Variants in TMEM108 observed in about 807,000 individuals in gnomAD.
TMEM108 encodes transmembrane protein 108.
In TMEM108, 12 loss-of-function variants were observed where a neutral mutation model predicts 35.1. That is an observed-to-expected ratio of 0.34 (90% confidence interval 0.22 to 0.55). TMEM108 has a LOEUF of 0.55. Among genes scored for constraint, TMEM108 ranks in the 20% least tolerant of loss-of-function variants. The pLI, the probability that TMEM108 is intolerant of heterozygous loss-of-function variation, is 0.89. For missense variants in TMEM108, 680 were observed against 753.3 expected (o/e 0.90, Z 1.14); for synonymous variants, 287 against 308.6 (o/e 0.93, Z 0.73).
chr3:133,219,465 A>G (rs978930835), intron 2 of TMEM108, among the ~76,000 whole-genome samples: 1 of 151,434 alleles, frequency 6.6e-6, no homozygotes, highest in African/African-American at 2.4e-5. Context: ...TTCTTTTTTG[A>G]TGTAGGCTTT....
At chr3:133,291,183 T>G (rs111288604) in intron 3 of TMEM108, among the ~76,000 whole-genome samples, 23 of 152,256 alleles carry the variant, frequency 1.5e-4, no homozygotes, top group African/African-American at 5.5e-4. Flanking sequence ...TGGGTTGTTT[T>G]CTTTCTGTCA....
At chr3:133,120,328 A>G (rs954307374) in intron 2 of TMEM108, among the ~76,000 whole-genome samples, 1 of 152,192 alleles carries the variant, frequency 6.6e-6, no homozygotes, top group African/African-American at 2.4e-5. Flanking sequence ...TTTTTCAAAT[A>G]TTTTGAGGGA....
intron 2 of TMEM108, among the ~76,000 whole-genome samples, chr3:133,193,724 G>A (rs1945534556): frequency 6.6e-6 from 1 of 152,020 alleles, no homozygotes; most frequent in African/African-American, 2.4e-5. Flanking sequence ...CAGGGCTTTA[G>A]GTATACTTTC....
chr3:133,377,449 T>C (rs1292972134), intron 3 of TMEM108, among the ~76,000 whole-genome samples: 1 of 152,214 alleles, frequency 6.6e-6, no homozygotes, highest in African/African-American at 2.4e-5. Context: ...TGTCCTCTTC[T>C]TCCTCCTTCT....
chr3:133,270,899 A>G (rs959763520), intron 3 of TMEM108, among the ~76,000 whole-genome samples: 7 of 152,132 alleles, frequency 4.6e-5, no homozygotes, highest in African/African-American at 1.7e-4. Context: ...GAAAAGGATC[A>G]TAATCTCAGC....
intron 2 of TMEM108, among the ~76,000 whole-genome samples, chr3:133,173,554 A>G (rs1301264275): frequency 1.3e-5 from 2 of 152,232 alleles, no homozygotes; most frequent in African/African-American, 4.8e-5. Flanking sequence ...GGTATATTAC[A>G]GGCAAGGTAT....
intron 2 of TMEM108, among the ~76,000 whole-genome samples, chr3:133,077,848 G>A (rs748356953): frequency 6.6e-6 from 1 of 152,112 alleles, no homozygotes; most frequent in Non-Finnish European, 1.5e-5. Flanking sequence ...TACTTGGCCA[G>A]GATTCCCTGA....
intron 2 of TMEM108, among the ~76,000 whole-genome samples, chr3:133,162,949 A>G (rs942070139): frequency 6.6e-6 from 1 of 152,212 alleles, no homozygotes; most frequent in Non-Finnish European, 1.5e-5. Flanking sequence ...GGTAACATGG[A>G]CATAATAGTA....
chr3:133,381,156 C>T lies in TMEM108; in HGVS notation c.1445C>T (p.Ser482Phe), dbSNP rs755973021. Residue 482 changes from serine (S) to phenylalanine (F), a missense_variant, in exon 4 of 6, where the codon TCC (serine) becomes TTC (phenylalanine). Ser to Phe is a radical substitution (Grantham distance 155). This residue lies in a region of TMEM108 where 105 missense variants were observed against 150.7 expected (regional missense o/e 0.70). Transcript: ENST00000321871. ...VILAISVPIS[S>F]CSVLLTVCCM... is the part of the protein sequence containing the mutation. ...CTGGCCATCAGCGTGCCCATCTCCT[C>T]CTGCTGTAAGTGCCGCCCTCTCCCA... 6.3e-7 allele frequency: 1 copy of T among 1,596,812 alleles called. No homozygotes were observed. Among genetic ancestry groups the T allele is most frequent in the Non-Finnish European group, 8.6e-7 (1 of 1,168,426 alleles).
chr3:133,094,167 C>T (rs1186271178), intron 2 of TMEM108, among the ~76,000 whole-genome samples: 3 of 151,958 alleles, frequency 2.0e-5, no homozygotes, highest in Non-Finnish European at 4.4e-5. Context: ...ACCTGTGTCC[C>T]TTCTGATGAA....
At chr3:133,157,691 T>TA (rs1944900940) in intron 2 of TMEM108, among the ~76,000 whole-genome samples, 1 of 152,186 alleles carries the variant, frequency 6.6e-6, no homozygotes, top group African/African-American at 2.4e-5. Context: ...GGAGGGTGCC[T>TA]AAAACAGAGC....
intron 3 of TMEM108, among the ~76,000 whole-genome samples, chr3:133,299,282 C>T (rs115558388): frequency 0.011 from 1,718 of 152,218 alleles, 41 homozygotes; most frequent in South Asian, 0.045. Context: ...AACAGAATAG[C>T]TCTTTAGTGG....
chr3:133,190,537 C>T (rs1945483724), intron 2 of TMEM108, among the ~76,000 whole-genome samples: 1 of 152,164 alleles, frequency 6.6e-6, no homozygotes, highest in African/African-American at 2.4e-5. Context: ...CAGTGACCAC[C>T]TTCTGCTGTC....
At chr3:133,366,688 C>T (rs1434761571) in intron 3 of TMEM108, among the ~76,000 whole-genome samples, 1 of 152,144 alleles carries the variant, frequency 6.6e-6, no homozygotes, top group Non-Finnish European at 1.5e-5. Flanking sequence ...AGATTTGTAG[C>T]CCAAAAGAGA....
At chr3:133,134,967 C>T (rs1199994009) in intron 2 of TMEM108, among the ~76,000 whole-genome samples, 1 of 151,914 alleles carries the variant, frequency 6.6e-6, no homozygotes, top group East Asian at 1.9e-4. Context: ...AACAGGCATC[C>T]TTTAAAAAAA....
chr3:133,099,209 C>A (rs1384038416), intron 2 of TMEM108, among the ~76,000 whole-genome samples: 1 of 152,206 alleles, frequency 6.6e-6, no homozygotes, highest in East Asian at 1.9e-4. Context: ...GGGAATCCAC[C>A]CTCTGAAGCC....
intron 3 of TMEM108, among the ~76,000 whole-genome samples, chr3:133,251,542 TG>T (rs1319803446): frequency 6.6e-6 from 1 of 152,208 alleles, no homozygotes; most frequent in Non-Finnish European, 1.5e-5. Context: ...TCTGGTTGTC[TG>T]GGTTTCCTCC....
chr3:133,387,691 A>T (rs1169310576), intron 4 of TMEM108: 13 of 626,480 alleles, frequency 2.1e-5, no homozygotes, highest in Non-Finnish European at 2.4e-5. Flanking sequence ...TTCAGCACCT[A>T]CTGTGCACCA....
chr3:133,267,229 A>G (rs192088024), intron 3 of TMEM108, among the ~76,000 whole-genome samples: 1 of 152,312 alleles, frequency 6.6e-6, no homozygotes. Context: ...GGATACCAAA[A>G]TGATATAGTC....
Sources: allele counts gnomAD v4.1 joint callset (sites outside exome capture counted in the v4.1 genomes callset), GRCh38; gene constraint gnomAD v4.1.1; regional missense constraint gnomAD v4.1.1; transcripts MANE v1.5; gene names NCBI Gene and HGNC (gene_info 2026-07-23, HGNC 2026-07-21).